ANKUB1: variants seen among roughly 807,000 people sequenced by gnomAD.
ANKUB1 encodes the protein ankyrin repeat and ubiquitin domain containing 1, also known as protein ANKUB1.
In ANKUB1, 42 loss-of-function variants were observed where a neutral mutation model predicts 49.3. That is an observed-to-expected ratio of 0.85 (90% confidence interval 0.67 to 1.10). ANKUB1 has a LOEUF of 1.10. Ranked by LOEUF, ANKUB1 falls within the 50% of genes least tolerant of loss-of-function variation. The pLI is 0.00. For missense variants in ANKUB1, 613 were observed against 642.0 expected, an observed-to-expected ratio of 0.95 and a Z score of 0.49; for synonymous variants, 222 against 231.0, an observed-to-expected ratio of 0.96 and a Z score of 0.35.
chr3:149,782,461 GTA>G (rs1559869495), intron 2 of ANKUB1, among the ~76,000 whole-genome samples: 1 of 151,784 alleles, frequency 6.6e-6, no homozygotes, highest in Admixed American at 6.6e-5. Flanking sequence ...ATGAATAATC[GTA>G]TACTTATATC....
chr3:149,775,778 A>T (rs771894095), intron 3 of ANKUB1, among the ~76,000 whole-genome samples: 3 of 152,134 alleles, frequency 2.0e-5, no homozygotes, highest in Non-Finnish European at 4.4e-5. Context: ...ACAGAATAAC[A>T]AGCAGATAAG....
At position 149,768,066 on chromosome 3, in the gene ANKUB1, G is replaced by A. The variant is rs1717145743; in HGVS notation, c.596C>T (p.Ala199Val). Reference protein sequence around the residue: ...KYQKRVALYIAAFCGYIELTE... With the variant: ...KYQKRVALYIVAFCGYIELTE... The stretch of plus-strand genomic sequence containing the variant: ...GAGTTCAATGTACCCACAAAAAGCA[G>A]CAATGTACAGGGCTACCCTTTTCTG... Residue 199 changes from alanine (A) to valine (V), a missense_variant, in exon 5 of 6, where the codon GCT (alanine) becomes GTT (valine). Transcript: ENST00000446160. 3 of 1,448,690 alleles carry A rather than the reference G, an allele frequency of 2.1e-6. No individual in the cohort carries two copies. Among genetic ancestry groups the A allele is most frequent in the Non-Finnish European group, 2.7e-6 (3 of 1,095,730 alleles). 89.7% of individuals were successfully genotyped at this position (1,448,690 alleles called of 1,614,324 possible).
chr3:149,779,054 G>C (rs1479098782), intron 3 of ANKUB1: 6 of 152,070 alleles, frequency 3.9e-5, no homozygotes, highest in African/African-American at 1.2e-4. Flanking sequence ...CGTCAGGTAG[G>C]GGCCATGTTA....
intron 3 of ANKUB1, chr3:149,779,713 A>C (rs951844276): frequency 6.4e-6 from 1 of 155,530 alleles, no homozygotes; most frequent in African/African-American, 2.4e-5. Flanking sequence ...GCATTTATAC[A>C]TGCTTGAAGT....
rs1717117266 is a variant in ANKUB1, at chr3:149,767,781, A to G, written c.881T>C (p.Leu294Pro). The change falls in exon 5 of 6, where the codon CTC becomes CCC. Residue 294 changes from leucine (L) to proline (P), a missense_variant. Coordinates refer to ENST00000446160, the MANE Select transcript of ANKUB1 (RefSeq NM_001144960.3). The part of the protein sequence containing the change: ...HKHKDCVLYL[L>P]SKMWSTVSFP... ...AGAAACTGTGGACCACATTTTACTG[A>G]GCAAATATAATACACAGTCTTTATG... 1 of 1,551,706 alleles carries G rather than the reference A, an allele frequency of 6.4e-7. No homozygotes were observed. The highest frequency in any genetic ancestry group is 8.7e-7 in the Non-Finnish European group (1 of 1,146,994).
At chr3:149,784,369 G>A (rs756226317) in intron 2 of ANKUB1, among the ~76,000 whole-genome samples, 18 of 152,142 alleles carry the variant, frequency 1.2e-4, no homozygotes, top group Non-Finnish European at 2.4e-4. Flanking sequence ...GTGACAGGGT[G>A]CTCCCAATCA....
chr3:149,780,138 T>G, intron 3 of ANKUB1, 101 bp downstream of exon 3: 2 of 925,994 alleles, frequency 2.2e-6, no homozygotes, highest in Non-Finnish European at 1.6e-6. Flanking sequence ...AGATTGTATA[T>G]GAAAATCTAG....
chr3:149,778,139 G>A (rs1166555870), intron 3 of ANKUB1, among the ~76,000 whole-genome samples: 1 of 152,106 alleles, frequency 6.6e-6, no homozygotes, highest in East Asian at 1.9e-4. Context: ...TATGCTTTAG[G>A]TAAAGGTATG....
intron 2 of ANKUB1, among the ~76,000 whole-genome samples, chr3:149,787,919 A>C (rs1242813687): frequency 6.6e-6 from 1 of 152,170 alleles, no homozygotes; most frequent in Non-Finnish European, 1.5e-5. Context: ...AGAAAGAAAA[A>C]CCACTTACTT....
intron 5 of ANKUB1, among the ~76,000 whole-genome samples, chr3:149,765,258 C>T (rs1716962892): frequency 6.6e-6 from 1 of 152,012 alleles, no homozygotes; most frequent in African/African-American, 2.4e-5. Flanking sequence ...AGTTCAAGAA[C>T]AGGCTAAAGT....
At chr3:149,784,785 A>C (rs1718022213) in intron 2 of ANKUB1, among the ~76,000 whole-genome samples, 1 of 152,234 alleles carries the variant, frequency 6.6e-6, no homozygotes, top group African/African-American at 2.4e-5. Flanking sequence ...GGGATATGCC[A>C]CAGTAAGGGA....
intron 3 of ANKUB1, among the ~76,000 whole-genome samples, chr3:149,777,507 A>C (rs1041651392): frequency 6.6e-6 from 1 of 152,086 alleles, no homozygotes; most frequent in African/African-American, 2.4e-5. Flanking sequence ...CAACAAAAAA[A>C]CACTCCTGTT....
At chr3:149,768,204 T>A in intron 4 of ANKUB1, 109 bp from the exon 5 acceptor site, 1 of 850,454 alleles carries the variant, frequency 1.2e-6, no homozygotes, top group East Asian at 2.9e-5. Context: ...TTATTTCTTC[T>A]TAACTTTTAC....
At chr3:149,780,558 G>A (rs1343071066) in intron 2 of ANKUB1, 103 bp from the exon 3 acceptor site, 2 of 811,692 alleles carry the variant, frequency 2.5e-6, no homozygotes. Flanking sequence ...CGACATGGGT[G>A]TTAATGTGAA....
intron 3 of ANKUB1, among the ~76,000 whole-genome samples, chr3:149,777,476 A>AAACAACAACAAC (rs34938958): frequency 1.1e-4 from 17 of 150,940 alleles, no homozygotes; most frequent in East Asian, 5.9e-4. Flanking sequence ...ACTCAAAAAC[A>AAACAACAACAAC]AACAACAACA....
chr3:149,761,677 A>T, intron 5 of ANKUB1, 64 bp from the exon 6 acceptor site: 3 of 1,489,472 alleles, frequency 2.0e-6, no homozygotes, highest in Non-Finnish European at 2.7e-6. Context: ...TAGCTGAAAA[A>T]GGATGGAAAT....
intron 5 of ANKUB1, among the ~76,000 whole-genome samples, chr3:149,766,095 G>A (rs1227529249): frequency 6.6e-6 from 1 of 152,162 alleles, no homozygotes. Context: ...TGTAAAATTT[G>A]CATCAAATAA....
intron 4 of ANKUB1, 89 bp downstream of exon 4, chr3:149,770,471 G>T: frequency 1.1e-6 from 1 of 907,284 alleles, no homozygotes; most frequent in Non-Finnish European, 1.7e-6. Flanking sequence ...CCCAGCTGTA[G>T]AGTGAGTGAA....
chr3:149,766,854 A>AAG, intron 5 of ANKUB1: 2 of 1,060,328 alleles, frequency 1.9e-6, no homozygotes, highest in African/African-American at 1.9e-5. Flanking sequence ...CAGCAGCAGC[A>AAG]GCAGCAGCAG....
Sources: gnomAD v4.1 joint callset for allele counts (sites outside exome capture counted in the v4.1 genomes callset) on GRCh38, gnomAD v4.1.1 for gene constraint, MANE v1.5 for transcripts, NCBI Gene and HGNC (gene_info 2026-07-23, HGNC 2026-07-21) for gene names.